PPP2R2B: variants seen among roughly 807,000 people sequenced by gnomAD.
PPP2R2B encodes the protein serine/threonine-protein phosphatase 2A 55 kDa regulatory subunit B beta isoform.
Under a neutral mutation model 46.0 loss-of-function variants are expected in PPP2R2B, and 5 were observed. The ratio of observed to expected loss-of-function variants is 0.11; its 90% CI spans 0.06 to 0.23. The LOEUF (loss-of-function observed/expected upper bound fraction) is 0.23, where lower values mean the gene tolerates loss of function less well. Ranked by LOEUF, PPP2R2B falls within the 10% of genes least tolerant of loss-of-function variation. The pLI is 1.00. For missense variants in PPP2R2B, 367 were observed against 575.0 expected (o/e 0.64, Z 3.70); for synonymous variants, 215 against 206.7 (o/e 1.04, Z -0.34).
intron 7 of PPP2R2B, among the ~76,000 whole-genome samples, chr5:146,606,011 G>T (rs1405050604): frequency 6.6e-6 from 1 of 152,192 alleles, no homozygotes; most frequent in Admixed American, 6.5e-5. Context: ...AATAAATAAG[G>T]TTCCAGAATC....
intron 2 of PPP2R2B, among the ~76,000 whole-genome samples, chr5:146,708,775 G>A (rs1420657770): frequency 1.3e-5 from 2 of 151,920 alleles, no homozygotes; most frequent in African/African-American, 2.4e-5. Flanking sequence ...TACTATTTGG[G>A]ATTCTGTTTG....
At chr5:146,891,988 G>C (rs10066637) in intron 1 of PPP2R2B, among the ~76,000 whole-genome samples, 5,219 of 152,274 alleles carry the variant, frequency 0.034, 299 homozygotes, top group African/African-American at 0.12. Flanking sequence ...TGAAGGATGG[G>C]AAGACTCATG....
intron 2 of PPP2R2B, among the ~76,000 whole-genome samples, chr5:146,874,446 A>G (rs2151415620): frequency 6.6e-6 from 1 of 152,378 alleles, no homozygotes; most frequent in South Asian, 2.1e-4. Flanking sequence ...GAATATAACC[A>G]GGAAGTACAT....
intron 2 of PPP2R2B, among the ~76,000 whole-genome samples, chr5:146,807,616 ATGAGAAATG>A (rs1401417000): frequency 4.6e-5 from 7 of 151,982 alleles, no homozygotes; most frequent in Non-Finnish European, 1.0e-4. Flanking sequence ...CATTTCACAG[ATGAGAAATG>A]TGGATCTTGG....
chr5:146,685,105 A>C (rs1184218240), intron 5 of PPP2R2B, among the ~76,000 whole-genome samples: 3 of 152,238 alleles, frequency 2.0e-5, no homozygotes, highest in African/African-American at 7.2e-5. Context: ...GTAGACACTG[A>C]GATACAAAAT....
At chr5:146,641,824 T>C (rs770733011) in intron 6 of PPP2R2B, among the ~76,000 whole-genome samples, 22 of 152,090 alleles carry the variant, frequency 1.4e-4, no homozygotes, top group Non-Finnish European at 2.9e-4. Context: ...ATCTTGAAAA[T>C]GGAATGATGC....
In PPP2R2B at chr5:146,638,288, G is replaced by A. The variant is rs1278453375; in HGVS notation, c.753C>T (p.Asp251=). The change falls in exon 7 of 10, where the codon GAC becomes GAT. Residue 251 remains aspartate (D), a synonymous_variant. Transcript: ENST00000394411. ...TGTCACACAGGGCAGATGCCCGCAT[G>A]TCACACAGCCGGATTGTCCCTTTGC... is the stretch of plus-strand genomic sequence containing the variant. ...SSSKGTIRLC[D]MRASALCDRH... The A allele has an allele frequency of 6.2e-7, 1 of 1,614,014 alleles. No homozygotes were observed. Among genetic ancestry groups the A allele is most frequent in the African/African-American group, 1.3e-5 (1 of 75,060 alleles).
intron 1 of PPP2R2B, among the ~76,000 whole-genome samples, chr5:146,927,022 C>T (rs546956768): frequency 1.4e-4 from 21 of 152,298 alleles, no homozygotes; most frequent in Non-Finnish European, 3.1e-4. Flanking sequence ...TACAGAGAAG[C>T]TACTGGTCAT....
intron 7 of PPP2R2B, among the ~76,000 whole-genome samples, chr5:146,609,381 C>A (rs561029231): frequency 1.3e-5 from 2 of 152,212 alleles, no homozygotes; most frequent in African/African-American, 4.8e-5. Flanking sequence ...GAAAAGGCAT[C>A]CAAATTGGAA....
At chr5:146,884,996 C>T (rs1388919891) in intron 1 of PPP2R2B, among the ~76,000 whole-genome samples, 1 of 152,100 alleles carries the variant, frequency 6.6e-6, no homozygotes, top group African/African-American at 2.4e-5. Context: ...AAGAACATTG[C>T]TTATAATCAT....
chr5:147,057,318 A>T (rs1000995665), upstream of PPP2R2B, among the ~76,000 whole-genome samples: 7 of 152,210 alleles, frequency 4.6e-5, no homozygotes, highest in Admixed American at 4.6e-4. Context: ...ATCCTAAGTA[A>T]GGTGCTGTTT....
intron 9 of PPP2R2B, among the ~76,000 whole-genome samples, 158 bp from the exon 10 acceptor site, chr5:146,590,384 T>TG (rs1207253856): frequency 2.0e-5 from 3 of 148,108 alleles, no homozygotes; most frequent in Non-Finnish European, 4.4e-5. Context: ...ATTGGCTTTT[T>TG]GTTTTTTTTT....
At chr5:147,015,153 G>T (rs1362220714) in intron 1 of PPP2R2B, among the ~76,000 whole-genome samples, 1 of 151,772 alleles carries the variant, frequency 6.6e-6, no homozygotes, top group African/African-American at 2.4e-5. Context: ...ATAAAACAGT[G>T]CCTGACACAG....
intron 4 of PPP2R2B, among the ~76,000 whole-genome samples, chr5:146,696,601 G>T (rs183816714): frequency 1.3e-5 from 2 of 152,290 alleles, no homozygotes; most frequent in East Asian, 1.9e-4. Flanking sequence ...TAAAAGGAAA[G>T]AAATTGAAAC....
chr5:146,747,707 A>G (rs1753276152), intron 2 of PPP2R2B, among the ~76,000 whole-genome samples: 1 of 152,240 alleles, frequency 6.6e-6, no homozygotes, highest in African/African-American at 2.4e-5. Flanking sequence ...TTAGGGACAC[A>G]TAATTCCATT....
intron 2 of PPP2R2B, among the ~76,000 whole-genome samples, chr5:146,723,213 A>G (rs1449579569): frequency 1.3e-5 from 2 of 152,208 alleles, no homozygotes; most frequent in Non-Finnish European, 1.5e-5. Context: ...TAAGTGTCCA[A>G]TAAATATTTA....
intron 2 of PPP2R2B, among the ~76,000 whole-genome samples, chr5:147,065,793 G>A (rs12521366): frequency 0.1 from 15,952 of 152,014 alleles, 956 homozygotes; most frequent in East Asian, 0.16. Context: ...GAGGGCTTTC[G>A]GAGGAAGAAA....
chr5:146,748,569 T>C (rs1228707684), intron 2 of PPP2R2B, among the ~76,000 whole-genome samples: 1 of 152,216 alleles, frequency 6.6e-6, no homozygotes, highest in Non-Finnish European at 1.5e-5. Flanking sequence ...AATGATGAAA[T>C]CATAAAAATG....
intron 5 of PPP2R2B, among the ~76,000 whole-genome samples, chr5:146,659,967 A>T (rs1312147983): frequency 3.3e-5 from 5 of 152,206 alleles, no homozygotes; most frequent in Non-Finnish European, 7.3e-5. Context: ...TGATTATATA[A>T]TGTTAAGGTT....
Sources: gnomAD v4.1 joint callset for allele counts (sites outside exome capture counted in the v4.1 genomes callset) on GRCh38, gnomAD v4.1.1 for gene constraint, MANE v1.5 for transcripts, NCBI Gene and HGNC (gene_info 2026-07-23, HGNC 2026-07-21) for gene names.